The following MAPK8IP3 variants were observed in gnomAD, a reference collection of about 807,000 sequenced individuals.
The protein encoded by MAPK8IP3 is C-Jun-amino-terminal kinase-interacting protein 3.
Under a neutral mutation model 157.8 loss-of-function variants are expected in MAPK8IP3, and 49 were observed. That is an observed-to-expected ratio of 0.31 (90% CI 0.25 to 0.39). The LOEUF is 0.39. Ranked by LOEUF, MAPK8IP3 falls within the 10% of genes least tolerant of loss-of-function variation. The probability of loss-of-function intolerance (pLI) is 1.00; values close to 1 mark genes in which losing one functional copy is unlikely to be tolerated. For missense variants in MAPK8IP3, 1,478 were observed against 1,889.4 expected (o/e 0.78, Z 4.04); for synonymous variants, 897 against 777.7 (o/e 1.15, Z -2.55).
Position 1,744,673 on chromosome 16 carries a change from G to A in MAPK8IP3, c.747+1197G>A. The stretch of plus-strand genomic sequence containing the variant: ...GAAGACACGTCAGCCTCAGCCGGGG[G>A]GAGCCCTTGCTTGACGCTCTCTGGC... On this transcript the variant is annotated intron_variant, in intron 5 of 31. Coordinates refer to ENST00000610761, the MANE Select transcript of MAPK8IP3 (RefSeq NM_001318852.2). 5 of 985,504 alleles carry A rather than the reference G, an allele frequency of 5.1e-6. No individual in the cohort carries two copies. In the South Asian group the frequency reaches 1.9e-4, roughly 37 times the overall value. The allele number at this position is 985,504 out of a possible 1,614,324, so 61.0% of individuals were successfully genotyped here. A position where few individuals can be genotyped will look rare whatever the true frequency, so the allele number is the denominator to read the frequency against.
At chr16:1,765,530 T>G (rs915939214) in intron 20 of MAPK8IP3, among the ~76,000 whole-genome samples, 1 of 152,134 alleles carries the variant, frequency 6.6e-6, no homozygotes, top group Non-Finnish European at 1.5e-5. Context: ...GAAGGGGCTA[T>G]GGGGGTGTGG....
chr16:1,727,009 CAT>C (rs1352634055), intron 2 of MAPK8IP3, among the ~76,000 whole-genome samples: 4 of 149,154 alleles, frequency 2.7e-5, no homozygotes, highest in Admixed American at 6.7e-5. Context: ...GTCTGTGTGT[CAT>C]GTGCTGTGTG....
intron 4 of MAPK8IP3, among the ~76,000 whole-genome samples, chr16:1,739,076 G>A (rs887501706): frequency 1.5e-4 from 21 of 142,954 alleles, no homozygotes; most frequent in Admixed American, 2.8e-4. Context: ...CCGTGTGAGT[G>A]TGACCATCCA....
chr16:1,727,460 TGTGC>T (rs2038962501), intron 2 of MAPK8IP3, among the ~76,000 whole-genome samples: 11 of 151,756 alleles, frequency 7.2e-5, no homozygotes, highest in Admixed American at 5.9e-4. Flanking sequence ...TCTTGTGTTG[TGTGC>T]GGTGTCTGTA....
chr16:1,763,927 C>T, intron 17 of MAPK8IP3, 144 bp downstream of exon 17: 1 of 1,069,358 alleles, frequency 9.4e-7, no homozygotes, highest in Non-Finnish European at 1.3e-6. Context: ...CTGGCAGGTT[C>T]CTAGTGAGCC....
At chr16:1,730,555 T>C (rs867564245) in intron 4 of MAPK8IP3, among the ~76,000 whole-genome samples, 1 of 151,046 alleles carries the variant, frequency 6.6e-6, no homozygotes, top group East Asian at 2.0e-4. Flanking sequence ...CTGGCTAACA[T>C]GGTGAAACCC....
chr16:1,740,004 A>G (rs370705515), intron 4 of MAPK8IP3, among the ~76,000 whole-genome samples: 117 of 33,502 alleles, frequency 3.5e-3, no homozygotes, highest in South Asian at 4.9e-3. Context: ...CCGTGTGACC[A>G]TCCGTGTGAG....
At chr16:1,739,020 ATC>A (rs1269645392) in intron 4 of MAPK8IP3, among the ~76,000 whole-genome samples, 7 of 111,670 alleles carry the variant, frequency 6.3e-5, no homozygotes, top group Admixed American at 3.0e-4. Context: ...CCATGTGAGC[ATC>A]TGTGTGAGCG....
chr16:1,742,651 G>T lies in MAPK8IP3; in HGVS notation c.603-681G>T, dbSNP rs957000676. ...GGAAGGCTGGATTCCCTCTGCTGGCGCCAGGGGAACAGGCAGGGCTGGCAG... is the reference window on the plus strand; with the variant it reads ...GGAAGGCTGGATTCCCTCTGCTGGCTCCAGGGGAACAGGCAGGGCTGGCAG... On this transcript the variant is annotated intron_variant, in intron 4 of 31. Transcript: ENST00000610761. The surrounding 1 kb of genome is among the most constrained non-coding windows in gnomAD (Gnocchi z 5.0). Among the ~76,000 whole-genome samples the T allele has an allele frequency of 3.3e-5, 5 of 152,162 alleles. No homozygotes were observed. The highest frequency in any genetic ancestry group is 1.2e-4 in the African/African-American group (5 of 41,438).
chr16:1,739,173 T>C (rs1425223132), intron 4 of MAPK8IP3, among the ~76,000 whole-genome samples: 22 of 127,190 alleles, frequency 1.7e-4, no homozygotes, highest in Middle Eastern at 5.0e-3. Flanking sequence ...AGTGTGACCA[T>C]CCATGTGAGC....
chr16:1,764,487 C>T (rs998385520), intron 19 of MAPK8IP3, 28 bp downstream of exon 19: 3 of 1,602,672 alleles, frequency 1.9e-6, no homozygotes, highest in Non-Finnish European at 8.5e-7. Context: ...CACCGGGCAC[C>T]CTCCCTGGCT....
chr16:1,717,370 A>AAT (rs1280999072), intron 1 of MAPK8IP3, among the ~76,000 whole-genome samples: 2 of 152,202 alleles, frequency 1.3e-5, no homozygotes. Flanking sequence ...AACATGTCTA[A>AAT]AAAGGGAATC....
At chr16:1,725,265 T>C (rs1413951807) in intron 2 of MAPK8IP3, among the ~76,000 whole-genome samples, 1 of 151,420 alleles carries the variant, frequency 6.6e-6, no homozygotes, top group African/African-American at 2.4e-5. Context: ...CGTGATGGCA[T>C]GCGCCTGTGG....
chr16:1,766,571 G>C lies in MAPK8IP3; in HGVS notation c.2862G>C (p.Glu954Asp), dbSNP rs2042274269. The change falls in exon 23 of 32, where the codon GAG becomes GAC. Residue 954 changes from glutamate (E) to aspartate (D), a missense_variant. This residue lies in a region of MAPK8IP3 where 669 missense variants were observed against 759.8 expected (regional missense o/e 0.88). Transcript: ENST00000610761. ...CTGACAGCAGCAGCACACGGCCAGAGCCAGAGCCCAGCGGGGACCCCACGG... is the reference window on the plus strand; with the variant it reads ...CTGACAGCAGCAGCACACGGCCAGACCCAGAGCCCAGCGGGGACCCCACGG... The part of the protein sequence containing the change: ...PEPDSSSTRP[E>D]PEPSGDPTGA... 1.2e-6 allele frequency: 2 copies of C among 1,612,222 alleles called. No individual in the cohort carries two copies. Among genetic ancestry groups the C allele is most frequent in the Non-Finnish European group, 1.7e-6 (2 of 1,179,886 alleles).
chr16:1,767,138 G>A lies in MAPK8IP3; in HGVS notation c.3089-11G>A. The A allele has an allele frequency of 6.2e-7, 1 of 1,612,664 alleles. No individual in the cohort carries two copies. The stretch of plus-strand genomic sequence containing the variant: ...GGCCAGGCCTGAGCAGGTGTCCGGG[G>A]CTCCCTCCAGATGGCCAGTGGGATC... On this transcript the variant is annotated splice_polypyrimidine_tract_variant and intron_variant, in intron 25 of 31. Coordinates refer to ENST00000610761, the MANE Select transcript of MAPK8IP3 (RefSeq NM_001318852.2).
intron 4 of MAPK8IP3, among the ~76,000 whole-genome samples, chr16:1,736,077 TGTGA>T (rs2039757824): frequency 1.9e-5 from 2 of 107,564 alleles, no homozygotes; most frequent in African/African-American, 8.6e-5. Flanking sequence ...TGACCATCCG[TGTGA>T]GAGTGTGACC....
Position 1,706,438 on chromosome 16 carries a change from G to A in MAPK8IP3, c.99G>A (p.Ala33=). The A allele has an allele frequency of 1.2e-6, 2 of 1,613,862 alleles. No individual in the cohort carries two copies. The highest frequency in any genetic ancestry group is 1.7e-6 in the Non-Finnish European group (2 of 1,179,956). Residue 33 remains alanine (A), a synonymous_variant, in exon 1 of 32, where the codon GCG becomes GCA. Coordinates refer to ENST00000610761, the MANE Select transcript of MAPK8IP3 (RefSeq NM_001318852.2). This position sits in a 1 kb window ranked among gnomAD's most constrained non-coding sequence, Gnocchi z 5.1. ...SVMSERVSGL[A]GSIYREFERL... is the part of the protein sequence containing the mutation. ...TGTCGGAGCGGGTGTCGGGCCTGGC[G>A]GGCTCCATCTACCGCGAGTTCGAGC...
intron 10 of MAPK8IP3, among the ~76,000 whole-genome samples, chr16:1,759,212 G>A (rs2141912597): frequency 6.6e-6 from 1 of 152,342 alleles, no homozygotes; most frequent in East Asian, 1.9e-4. Flanking sequence ...CCCGAGGAGG[G>A]CAGCCCCAGC....
At position 1,759,960 on chromosome 16, in the gene MAPK8IP3, A is replaced by G. The variant is rs2041840750; in HGVS notation, c.1249A>G (p.Met417Val). 2 of 1,614,138 alleles carry G rather than the reference A, an allele frequency of 1.2e-6. No homozygotes were observed. Among genetic ancestry groups the G allele is most frequent in the Non-Finnish European group, 8.5e-7 (1 of 1,179,982 alleles). The part of the protein sequence containing the change: ...EFSVRDDFFG[M>V]GKEVGNLLLE... ...AACCTCCGCACCTTCTGTTTCAGGA[A>G]TGGGCAAAGAAGTGGGGAATCTGCT... is the stretch of plus-strand genomic sequence containing the variant. Residue 417 changes from methionine (M) to valine (V), a missense_variant and splice_region_variant, in exon 11 of 32, where the codon ATG (methionine) becomes GTG (valine). This residue lies in a region of MAPK8IP3 where 315 missense variants were observed against 394.4 expected (regional missense o/e 0.80). Transcript: ENST00000610761.
Sources: gnomAD v4.1 joint callset for allele counts (sites outside exome capture counted in the v4.1 genomes callset) on GRCh38, gnomAD v4.1.1 for gene constraint, gnomAD v4.1.1 regional missense constraint, Gnocchi (gnomAD v3.1) non-coding constraint, MANE v1.5 for transcripts, NCBI Gene and HGNC (gene_info 2026-07-23, HGNC 2026-07-21) for gene names.